ANTXRL: variants seen among roughly 807,000 people sequenced by gnomAD.
The protein encoded by ANTXRL is ANTXR like, also known as anthrax toxin receptor-like.
ANTXRL carries 63 observed loss-of-function variants against 75.4 expected under a neutral mutation model. The observed-to-expected ratio is 0.84, with a 90% CI of 0.68 to 1.03. The LOEUF (loss-of-function observed/expected upper bound fraction) is 1.03. Ranked by LOEUF, ANTXRL falls within the 50% of genes least tolerant of loss-of-function variation. The pLI, the probability that ANTXRL is intolerant of heterozygous loss-of-function variation, is 0.00. For missense variants in ANTXRL, 797 were observed against 789.4 expected (o/e 1.01, Z -0.12); for synonymous variants, 335 against 291.3 (o/e 1.15, Z -1.53).
chr10:46,301,564 G>A (rs1837747095), intron 9 of ANTXRL, among the ~76,000 whole-genome samples: 1 of 152,196 alleles, frequency 6.6e-6, no homozygotes, highest in Non-Finnish European at 1.5e-5. Context: ...CCTCATCTGA[G>A]GAGCATGGTT....
chr10:46,299,840 A>G (rs1837608021), intron 9 of ANTXRL, among the ~76,000 whole-genome samples: 1 of 152,174 alleles, frequency 6.6e-6, no homozygotes, highest in Non-Finnish European at 1.5e-5. Context: ...TCCCTGAAAC[A>G]GGAGCTACGC....
chr10:46,316,813 G>A (rs1404888490), intron 16 of ANTXRL, among the ~76,000 whole-genome samples: 1 of 152,132 alleles, frequency 6.6e-6, no homozygotes, highest in Non-Finnish European at 1.5e-5. Flanking sequence ...CCCAGCTGAG[G>A]CCAATGTCTG....
rs781783959 is a variant in ANTXRL, at chr10:46,329,645, C to G, written c.1457C>G (p.Ala486Gly). The G allele has an allele frequency of 3.9e-6, 6 of 1,536,366 alleles. No homozygotes were observed. In the African/African-American group the frequency reaches 4.1e-5, roughly 11 times the overall value. The change falls in exon 17 of 17, where the codon GCT becomes GGT. Residue 486 changes from alanine to glycine, a missense_variant. Coordinates refer to ENST00000620264, the MANE Select transcript of ANTXRL (RefSeq NM_001278688.3). The stretch of plus-strand genomic sequence containing the variant: ...CTTGCACAGTCCCAATATGCACAGG[C>G]TCCCTGCTGCCCAAGGATCTGCTTT... ...LALAQSQYAQ[A>G]PCCPRICFPH...
chr10:46,303,508 CAAATTTG>C (rs1299943672), intron 10 of ANTXRL, among the ~76,000 whole-genome samples: 1 of 152,014 alleles, frequency 6.6e-6, no homozygotes, highest in Non-Finnish European at 1.5e-5. Flanking sequence ...TCCCAAACCG[CAAATTTG>C]AAATCTGAAA....
intron 16 of ANTXRL, among the ~76,000 whole-genome samples, chr10:46,318,768 C>G (rs1838852460): frequency 6.6e-6 from 1 of 151,946 alleles, no homozygotes; most frequent in Admixed American, 6.6e-5. Context: ...TAACATATGT[C>G]AAAAGAAAAA....
intron 16 of ANTXRL, among the ~76,000 whole-genome samples, chr10:46,314,586 C>T (rs1371573238): frequency 2.6e-5 from 4 of 151,742 alleles, no homozygotes; most frequent in Admixed American, 6.6e-5. Flanking sequence ...TGGAGCAAGT[C>T]GCTGAAATTG....
intron 2 of ANTXRL, among the ~76,000 whole-genome samples, chr10:46,292,651 G>T (rs566089574): frequency 1.3e-5 from 2 of 152,168 alleles, no homozygotes; most frequent in South Asian, 4.1e-4. Context: ...GGAGAGGGCT[G>T]GGCAGGTCAG....
intron 16 of ANTXRL, among the ~76,000 whole-genome samples, chr10:46,327,178 C>A (rs1463272138): frequency 6.6e-6 from 1 of 152,086 alleles, no homozygotes; most frequent in Non-Finnish European, 1.5e-5. Context: ...AGGGCATGGC[C>A]AGCTCTTCTA....
intron 15 of ANTXRL, 123 bp downstream of exon 15, chr10:46,311,788 T>C (rs1554963630): frequency 1.8e-6 from 1 of 564,338 alleles, no homozygotes; most frequent in African/African-American, 1.9e-5. Context: ...GGGGCTGGAC[T>C]TTGGACACTT....
intron 7 of ANTXRL, 94 bp downstream of exon 7, chr10:46,297,568 C>A: frequency 7.6e-7 from 1 of 1,323,468 alleles, no homozygotes; most frequent in Non-Finnish European, 1.0e-6. Flanking sequence ...GTTGTCTAAG[C>A]TGCCCCAAGT....
At chr10:46,326,755 G>A (rs1565058235) in intron 16 of ANTXRL, among the ~76,000 whole-genome samples, 1 of 152,128 alleles carries the variant, frequency 6.6e-6, no homozygotes, top group South Asian at 2.1e-4. Context: ...CTTGTGGTCA[G>A]GAGGGCAGTG....
rs1837014062 is a variant in ANTXRL, at chr10:46,292,083, A to C, written c.274A>C (p.Ile92Leu). Residue 92 changes from isoleucine to leucine, a missense_variant, in exon 2 of 17, where the codon ATT (isoleucine) becomes CTT (leucine). Transcript: ENST00000620264. ...GTCTGGCAGCGTGAACAATAACTGG[A>C]TTGACCTTTATATGTGGGTGGAGGA... ...DKSGSVNNNW[I>L]DLYMWVEETV... The C allele has an allele frequency of 2.0e-6, 3 of 1,536,180 alleles. No individual in the cohort carries two copies. The highest frequency in any genetic ancestry group is 1.7e-4 in the Middle Eastern group (1 of 6,006).
In ANTXRL at chr10:46,310,457, C is replaced by G; in HGVS notation, c.1135-4C>G. ...CCTGTGTTTGTCTCTTTTGAACATTCTAGACTGTCAAGGAGCCACCACCTG... is the reference window on the plus strand; with the variant it reads ...CCTGTGTTTGTCTCTTTTGAACATTGTAGACTGTCAAGGAGCCACCACCTG... On this transcript the variant is annotated splice_region_variant and splice_polypyrimidine_tract_variant and intron_variant, in intron 13 of 16. Coordinates refer to ENST00000620264, the MANE Select transcript of ANTXRL (RefSeq NM_001278688.3). The G allele has an allele frequency of 6.5e-7, 1 of 1,536,288 alleles. No homozygotes were observed. The highest frequency in any genetic ancestry group is 1.2e-5 in the South Asian group (1 of 84,036).
intron 14 of ANTXRL, 43 bp downstream of exon 14, chr10:46,310,542 G>A (rs781859474): frequency 1.9e-4 from 288 of 1,528,868 alleles, no homozygotes; most frequent in Admixed American, 3.7e-4. Context: ...ATCCCAAGGA[G>A]CCCACTGACC....
intron 11 of ANTXRL, 43 bp from the exon 12 acceptor site, chr10:46,307,359 C>A: frequency 7.2e-7 from 1 of 1,385,192 alleles, no homozygotes; most frequent in Non-Finnish European, 9.9e-7. Flanking sequence ...AGAACTGCAT[C>A]TCTCTGGACT....
At chr10:46,294,133 C>T (rs1205186532) in intron 3 of ANTXRL, 2 of 549,342 alleles carry the variant, frequency 3.6e-6, no homozygotes, top group East Asian at 3.2e-5. Flanking sequence ...CTCAGCCTCC[C>T]CCACTTCACG....
chr10:46,292,238 T>A, intron 2 of ANTXRL, 109 bp downstream of exon 2: 1 of 1,006,572 alleles, frequency 9.9e-7, no homozygotes, highest in Non-Finnish European at 1.5e-6. Context: ...AGTCCTTCAG[T>A]GGGGGACACA....
chr10:46,304,915 C>G (rs1201080635), intron 10 of ANTXRL, among the ~76,000 whole-genome samples: 16 of 152,294 alleles, frequency 1.1e-4, no homozygotes, highest in African/African-American at 3.1e-4. Context: ...CACCCTGGAG[C>G]TTACCATCTA....
chr10:46,326,426 GGCCAACTCCTTCTGGGA>G (rs1839215575), intron 16 of ANTXRL, among the ~76,000 whole-genome samples: 1 of 152,182 alleles, frequency 6.6e-6, no homozygotes, highest in South Asian at 2.1e-4. Flanking sequence ...CAGGAGGAGG[GGCCAACTCCTTCTGGGA>G]GTGGCATTAT....
Sources: gnomAD v4.1 joint callset for allele counts (sites outside exome capture counted in the v4.1 genomes callset) on GRCh38, gnomAD v4.1.1 for gene constraint, MANE v1.5 for transcripts, NCBI Gene and HGNC (gene_info 2026-07-23, HGNC 2026-07-21) for gene names.